Variants in XPC observed in about 807,000 individuals in gnomAD.
XPC encodes the protein DNA repair protein complementing XP-C cells.
In XPC, 76 loss-of-function variants were observed where a neutral mutation model predicts 95.8. The observed-to-expected ratio is 0.79, with a 90% CI of 0.66 to 0.96. The LOEUF is 0.96. XPC is among the 40% of genes least tolerant of loss of function. The pLI is 0.00. For synonymous variants in XPC, 442 were observed against 442.1 expected (o/e 1.00, Z 0.00); for missense variants, 1,146 against 1,179.8 (o/e 0.97, Z 0.42).
chr3:14,176,064 C>A (rs1281894843), intron 1 of XPC, among the ~76,000 whole-genome samples: 1 of 152,206 alleles, frequency 6.6e-6, no homozygotes, highest in Non-Finnish European at 1.5e-5. Context: ...ACTGAAAACT[C>A]ACAGCCACCC....
Position 14,152,412 on chromosome 3 carries a change from A to T in XPC, c.2038T>A (p.Cys680Ser). The change falls in exon 11 of 16, where the codon TGT becomes AGT. Residue 680 changes from cysteine to serine, a missense_variant. Cys to Ser is a moderately radical substitution (Grantham distance 112). Transcript: ENST00000285021. ...TCCCTGGAATGCAGAGTGTGCACAC[A>T]ATCCCTGTGGAACCAACACAGGACA... ...CRGEAVYSRD[C>S]VHTLHSRDTW... is the part of the protein sequence containing the mutation. 6.2e-7 allele frequency: 1 copy of T among 1,610,902 alleles called. No homozygotes were observed. The highest frequency in any genetic ancestry group is 1.1e-5 in the South Asian group (1 of 90,200).
chr3:14,147,640 C>T (rs572690698), intron 14 of XPC: 1 of 602,562 alleles, frequency 1.7e-6, no homozygotes, highest in Non-Finnish European at 2.9e-6. Flanking sequence ...AGAACCTGGA[C>T]ACAGGCAATT....
At chr3:14,149,144 T>C (rs1257298311) in intron 11 of XPC, among the ~76,000 whole-genome samples, 196 bp from the exon 12 acceptor site, 5 of 151,716 alleles carry the variant, frequency 3.3e-5, no homozygotes. Flanking sequence ...AGTACAGTGG[T>C]GCAATCTTGG....
chr3:14,156,645 A>G, intron 9 of XPC, 150 bp from the exon 10 acceptor site: 1 of 1,047,542 alleles, frequency 9.5e-7, no homozygotes. Flanking sequence ...TCGCATCTGT[A>G]CCTCCGGCCA....
chr3:14,166,002 T>C (rs1277112908), intron 5 of XPC: 1 of 192,640 alleles, frequency 5.2e-6, no homozygotes, highest in African/African-American at 2.3e-5. Flanking sequence ...GCCGGCGGGA[T>C]GCACCCCACT....
Position 14,178,545 on chromosome 3 carries a change from G to A in XPC, c.24C>T (p.Gly8=), listed in dbSNP as rs1181579529. MARKRAA[G]GEPRGRELRS... ...GCAGTTCGCGTCCCCGCGGCTCCCCGCCGGCCGCGCGTTTCCGAGCCATGT... is the reference window on the plus strand; with the variant it reads ...GCAGTTCGCGTCCCCGCGGCTCCCCACCGGCCGCGCGTTTCCGAGCCATGT... The change falls in exon 1 of 16, where the codon GGC becomes GGT. Residue 8 remains glycine (G), a synonymous_variant. Coordinates refer to ENST00000285021, the MANE Select transcript of XPC (RefSeq NM_004628.5). The A allele has an allele frequency of 1.9e-6, 3 of 1,612,872 alleles. No individual in the cohort carries two copies. Among genetic ancestry groups the A allele is most frequent in the Admixed American group, 1.7e-5 (1 of 59,996 alleles).
intron 7 of XPC, 47 bp downstream of exon 7, chr3:14,164,766 T>C: frequency 6.3e-7 from 1 of 1,591,856 alleles, no homozygotes; most frequent in South Asian, 1.1e-5. Context: ...CCATTATCAT[T>C]AGTTAACAGT....
intron 3 of XPC, among the ~76,000 whole-genome samples, chr3:14,168,744 T>A (rs896568897): frequency 1.1e-4 from 17 of 151,888 alleles, no homozygotes; most frequent in African/African-American, 4.1e-4. Flanking sequence ...GTGAGAATAA[T>A]CTCCTTTTCT....
chr3:14,178,596 G>A lies in XPC; in HGVS notation c.-28C>T, dbSNP rs574620422. The A allele has an allele frequency of 1.9e-6, 3 of 1,611,656 alleles. No homozygotes were observed. Among genetic ancestry groups the A allele is most frequent in the East Asian group, 2.2e-5 (1 of 44,860 alleles). On this transcript the variant is annotated 5_prime_UTR_variant, in exon 1 of 16. Transcript: ENST00000285021. Reference sequence around the variant, plus strand: ...TGCTTGTCTGGGCAAATTCCACTTCGCGAGTGACGCACCCGGCCGCGATGC... The same window carrying A: ...TGCTTGTCTGGGCAAATTCCACTTCACGAGTGACGCACCCGGCCGCGATGC...
At chr3:14,177,606 C>T (rs1696879969) in intron 1 of XPC, among the ~76,000 whole-genome samples, 1 of 150,606 alleles carries the variant, frequency 6.6e-6, no homozygotes, top group South Asian at 2.1e-4. Flanking sequence ...GTAGCAAGAG[C>T]CAAAACATGT....
At chr3:14,172,343 A>G (rs886621440) in intron 2 of XPC, among the ~76,000 whole-genome samples, 7 of 152,078 alleles carry the variant, frequency 4.6e-5, no homozygotes, top group Non-Finnish European at 1.0e-4. Flanking sequence ...CAGAGGAGAG[A>G]AGGGGGAAGA....
At chr3:14,150,946 C>T (rs1193930686) in intron 11 of XPC, among the ~76,000 whole-genome samples, 2 of 152,126 alleles carry the variant, frequency 1.3e-5, no homozygotes, top group South Asian at 2.1e-4. Context: ...AGACTAAAGG[C>T]GCTGGCCAAG....
intron 10 of XPC, 27 bp from the exon 11 acceptor site, chr3:14,152,443 G>C: frequency 6.3e-7 from 1 of 1,595,180 alleles, no homozygotes; most frequent in Non-Finnish European, 8.5e-7. Context: ...GGACACAAAG[G>C]TAACTCAGTC....
chr3:14,163,080 T>C (rs886544696), intron 7 of XPC, among the ~76,000 whole-genome samples: 1 of 152,226 alleles, frequency 6.6e-6, no homozygotes, highest in African/African-American at 2.4e-5. Context: ...ACACCCATCA[T>C]AATGACTATA....
At chr3:14,175,223 T>C (rs1478358210) in intron 1 of XPC, among the ~76,000 whole-genome samples, 3 of 152,130 alleles carry the variant, frequency 2.0e-5, no homozygotes, top group African/African-American at 7.2e-5. Context: ...TCCCCAGAAC[T>C]TCCTATGAAT....
intron 5 of XPC, among the ~76,000 whole-genome samples, chr3:14,166,406 C>T (rs143287903): frequency 6.6e-6 from 1 of 152,228 alleles, no homozygotes; most frequent in African/African-American, 2.4e-5. Context: ...ATCCTTGCAC[C>T]TCTAGATTTC....
rs1356429556 is a variant in XPC at position 14,159,921 on chromosome 3, CAG to C, written c.901-93_901-92del. ...TGTTTGTTATGGTGCTTGTTCAAGA[CAG>C]GGAAAAGCTGGAAACAGCCAGACTG... On this transcript the variant is annotated intron_variant, in intron 7 of 15. Transcript: ENST00000285021. The C allele has an allele frequency of 7.6e-6, 10 of 1,310,560 alleles. No individual in the cohort carries two copies. In the African/African-American group the frequency reaches 1.3e-4, roughly 17 times the overall value. 81.2% of individuals were successfully genotyped at this position (1,310,560 alleles called of 1,614,324 possible).
chr3:14,163,364 A>G (rs114973731), intron 7 of XPC, among the ~76,000 whole-genome samples: 3,466 of 152,332 alleles, frequency 0.023, 125 homozygotes, highest in African/African-American at 0.078. Flanking sequence ...ATGTCTGCCA[A>G]TGGATAAATG....
intron 11 of XPC, among the ~76,000 whole-genome samples, chr3:14,150,878 A>G (rs1196781900): frequency 6.6e-6 from 1 of 152,212 alleles, no homozygotes; most frequent in Non-Finnish European, 1.5e-5. Flanking sequence ...GTCCTCTGGA[A>G]TGCAGAGGCA....
Sources: gnomAD v4.1 joint callset for allele counts (sites outside exome capture counted in the v4.1 genomes callset) on GRCh38, gnomAD v4.1.1 for gene constraint, MANE v1.5 for transcripts, NCBI Gene and HGNC (gene_info 2026-07-23, HGNC 2026-07-21) for gene names.